The following CTNNA3 variants were observed in gnomAD, a reference collection of about 807,000 sequenced individuals.
CTNNA3 encodes the protein catenin alpha-3.
Under a neutral mutation model 95.7 loss-of-function variants are expected in CTNNA3, and 76 were observed. That is an observed-to-expected ratio of 0.79 (90% CI 0.66 to 0.96). The LOEUF (loss-of-function observed/expected upper bound fraction) is 0.96. CTNNA3 is among the 40% of genes least tolerant of loss of function. The pLI, the probability that CTNNA3 is intolerant of heterozygous loss-of-function variation, is 0.00. For missense variants in CTNNA3, 1,191 were observed against 1,089.8 expected (o/e 1.09, Z -1.31); for synonymous variants, 431 against 374.4 (o/e 1.15, Z -1.74).
At position 66,372,662 on chromosome 10, in the gene CTNNA3, G is replaced by T. The variant is rs182466154; in HGVS notation, c.1732+6490C>A. Among the ~76,000 whole-genome samples, 8 of 152,240 alleles carry T rather than the reference G, an allele frequency of 5.3e-5. 1 individual carries two copies. In the East Asian group the frequency reaches 1.5e-3, roughly 29 times the overall value. On this transcript the variant is annotated intron_variant, in intron 12 of 17. Coordinates refer to ENST00000433211, the MANE Select transcript of CTNNA3 (RefSeq NM_013266.4). ...ACTGGCTAATTTATAAAGAAAACAG[G>T]TTTAATTTATTCATAGTTCCACATG... is the stretch of plus-strand genomic sequence containing the variant.
At chr10:66,234,922 T>C (rs1251673144) in intron 13 of CTNNA3, among the ~76,000 whole-genome samples, 1 of 152,230 alleles carries the variant, frequency 6.6e-6, no homozygotes, top group Non-Finnish European at 1.5e-5. Context: ...ATTGAAGCCA[T>C]CTGCTATGCT....
At chr10:66,383,388 G>C (rs183712900) in intron 11 of CTNNA3, among the ~76,000 whole-genome samples, 5 of 152,062 alleles carry the variant, frequency 3.3e-5, no homozygotes, top group African/African-American at 9.6e-5. Flanking sequence ...AGAAGACAAG[G>C]TTAGACAAAA....
rs545538828 is a variant in CTNNA3, at chr10:67,144,964, G to A, written c.1047+35353C>T. 1.5e-4 allele frequency among the ~76,000 whole-genome samples: 23 copies of A among 152,140 alleles called. No homozygotes were observed. The South Asian group carries it at 3.5e-3, about 23-fold the overall frequency. ...TAGCTTTTGATTTAAAGAGACGTGC[G>A]GCTCTTCCTTTCATTGAATACTTAG... On this transcript the variant is annotated intron_variant, in intron 7 of 17. Coordinates refer to ENST00000433211, the MANE Select transcript of CTNNA3 (RefSeq NM_013266.4).
chr10:66,560,265 G>A (rs2132131849), intron 10 of CTNNA3, among the ~76,000 whole-genome samples: 1 of 151,490 alleles, frequency 6.6e-6, no homozygotes, highest in East Asian at 1.9e-4. Flanking sequence ...TTTGGAGATA[G>A]AAACGTGAGC....
chr10:67,583,003 C>A (rs1193645783), intron 3 of CTNNA3, among the ~76,000 whole-genome samples: 3 of 152,034 alleles, frequency 2.0e-5, no homozygotes, highest in African/African-American at 7.3e-5. Context: ...TGGGTCTTGA[C>A]TCTTTACCCA....
rs555294511 is a variant in CTNNA3 at position 66,258,665 on chromosome 10, C to G, written c.1884+21805G>C. On this transcript the variant is annotated intron_variant, in intron 13 of 17. Coordinates refer to ENST00000433211, the MANE Select transcript of CTNNA3 (RefSeq NM_013266.4). Reference sequence around the variant, plus strand: ...TAAGATCTATGGCCCTCTAAGCACCCCACAGCATATTTTTCAAAAGCTTTA... The same window carrying G: ...TAAGATCTATGGCCCTCTAAGCACCGCACAGCATATTTTTCAAAAGCTTTA... 1.8e-4 allele frequency among the ~76,000 whole-genome samples: 27 copies of G among 152,158 alleles called. No individual in the cohort carries two copies. In the South Asian group the frequency reaches 5.6e-3, roughly 32 times the overall value.
At chr10:67,456,075 A>T (rs1847162601) in intron 5 of CTNNA3, among the ~76,000 whole-genome samples, 1 of 152,190 alleles carries the variant, frequency 6.6e-6, no homozygotes, top group Non-Finnish European at 1.5e-5. Context: ...TATTTAAGAA[A>T]ACCAAGCCAT....
At chr10:66,638,799 C>T (rs1845420998) in intron 9 of CTNNA3, among the ~76,000 whole-genome samples, 1 of 151,818 alleles carries the variant, frequency 6.6e-6, no homozygotes, top group Non-Finnish European at 1.5e-5. Flanking sequence ...TTCTCCCCCG[C>T]CCATTCGTTA....
At chr10:67,382,501 G>A (rs894251937) in intron 5 of CTNNA3, among the ~76,000 whole-genome samples, 20 of 152,168 alleles carry the variant, frequency 1.3e-4, no homozygotes, top group African/African-American at 3.9e-4. Context: ...AATATAATAT[G>A]TATTTGTAGG....
chr10:66,488,481 T>C (rs892278777), intron 11 of CTNNA3, among the ~76,000 whole-genome samples: 44 of 152,150 alleles, frequency 2.9e-4, no homozygotes, highest in Non-Finnish European at 4.3e-4. Flanking sequence ...ATTTTGCTAA[T>C]TGTAAATGCC....
chr10:66,207,540 C>T (rs2087841603), intron 13 of CTNNA3, among the ~76,000 whole-genome samples: 1 of 152,002 alleles, frequency 6.6e-6, no homozygotes, highest in Non-Finnish European at 1.5e-5. Context: ...ATATTCTTTG[C>T]TCTCATGTTA....
intron 3 of CTNNA3, among the ~76,000 whole-genome samples, chr10:67,549,808 T>C (rs1300130064): frequency 6.6e-6 from 1 of 152,216 alleles, no homozygotes; most frequent in Non-Finnish European, 1.5e-5. Context: ...AACACAACCA[T>C]AACTTTTTGT....
intron 15 of CTNNA3, among the ~76,000 whole-genome samples, chr10:66,055,741 G>C (rs1045584101): frequency 3.3e-5 from 5 of 151,818 alleles, no homozygotes; most frequent in Non-Finnish European, 7.4e-5. Flanking sequence ...GACTAACATG[G>C]TGAAACCCCA....
chr10:66,040,776 A>T (rs1227082571), intron 15 of CTNNA3, among the ~76,000 whole-genome samples: 1 of 152,116 alleles, frequency 6.6e-6, no homozygotes, highest in African/African-American at 2.4e-5. Flanking sequence ...GTTAATGGGT[A>T]CTAGGCTTAG....
At chr10:66,537,729 CTGGAGGATCACT>C (rs1343384959) in intron 10 of CTNNA3, among the ~76,000 whole-genome samples, 2 of 151,812 alleles carry the variant, frequency 1.3e-5, no homozygotes, top group Non-Finnish European at 2.9e-5. Context: ...GAAGCCAAGG[CTGGAGGATCACT>C]TGAGACCAGG....
At chr10:66,842,229 C>T (rs1409786545) in intron 7 of CTNNA3, among the ~76,000 whole-genome samples, 2 of 151,690 alleles carry the variant, frequency 1.3e-5, no homozygotes, top group South Asian at 2.1e-4. Context: ...AGGTGTAAGA[C>T]ATCATGCCCA....
At chr10:66,480,793 G>A (rs1206792504) in intron 11 of CTNNA3, among the ~76,000 whole-genome samples, 1 of 151,930 alleles carries the variant, frequency 6.6e-6, no homozygotes, top group Non-Finnish European at 1.5e-5. Context: ...TTTTAGTAGA[G>A]ATGGGGTTTC....
chr10:67,336,158 G>T (rs962384939), intron 5 of CTNNA3, among the ~76,000 whole-genome samples: 1 of 152,112 alleles, frequency 6.6e-6, no homozygotes, highest in Non-Finnish European at 1.5e-5. Context: ...ATAACCAGTT[G>T]TCCCCATCTC....
chr10:65,973,884 T>G (rs988149601), intron 16 of CTNNA3, among the ~76,000 whole-genome samples: 6 of 152,096 alleles, frequency 3.9e-5, no homozygotes, highest in Non-Finnish European at 1.5e-5. Context: ...CATTGGGGAT[T>G]GCATTTCAAC....
Sources: gnomAD v4.1 joint callset for allele counts (sites outside exome capture counted in the v4.1 genomes callset) on GRCh38, gnomAD v4.1.1 for gene constraint, MANE v1.5 for transcripts, NCBI Gene and HGNC (gene_info 2026-07-23, HGNC 2026-07-21) for gene names.